Variants in STPG2 observed in about 807,000 individuals in gnomAD.
The protein encoded by STPG2 is sperm tail PG-rich repeat containing 2.
Under a neutral mutation model 54.2 loss-of-function variants are expected in STPG2, and 56 were observed. That is an observed-to-expected ratio of 1.03 (90% CI 0.83 to 1.29). STPG2 has a LOEUF of 1.29. STPG2 is among the 50% of genes most tolerant of loss of function. The pLI, the probability that STPG2 is intolerant of heterozygous loss-of-function variation, is 0.00. For missense variants in STPG2, 596 were observed against 544.9 expected, an observed-to-expected ratio of 1.09 and a Z score of -0.93; for synonymous variants, 200 against 181.8, an observed-to-expected ratio of 1.10 and a Z score of -0.81.
At chr4:97,973,752 C>T (rs1056250051) in intron 6 of STPG2, among the ~76,000 whole-genome samples, 3 of 89,896 alleles carry the variant, frequency 3.3e-5, no homozygotes, top group South Asian at 5.0e-4. Context: ...GAGCTCAGGC[C>T]GTGGTTTCAG....
intron 8 of STPG2, among the ~76,000 whole-genome samples, chr4:97,853,356 T>C (rs999301145): frequency 2.0e-5 from 3 of 152,212 alleles, no homozygotes; most frequent in Non-Finnish European, 4.4e-5. Context: ...CAAAAAATTG[T>C]GATAGTTCAT....
chr4:97,938,426 G>T (rs1408847099), intron 8 of STPG2, among the ~76,000 whole-genome samples: 1 of 40,970 alleles, frequency 2.4e-5, no homozygotes, highest in Non-Finnish European at 5.9e-5. Context: ...GAGCTCAGTT[G>T]TCTTAGGCAG....
chr4:97,861,322 T>C (rs1258847962), intron 8 of STPG2, among the ~76,000 whole-genome samples: 1 of 152,180 alleles, frequency 6.6e-6, no homozygotes, highest in Non-Finnish European at 1.5e-5. Flanking sequence ...AAATGGCTTT[T>C]ATCCTAAAGA....
chr4:98,074,102 C>T (rs1339675090), intron 5 of STPG2, among the ~76,000 whole-genome samples: 1 of 152,110 alleles, frequency 6.6e-6, no homozygotes, highest in Admixed American at 6.5e-5. Flanking sequence ...AATAACTTTC[C>T]TACTGAAATT....
chr4:98,057,524 A>AG (rs1737518946), intron 5 of STPG2, among the ~76,000 whole-genome samples: 1 of 152,316 alleles, frequency 6.6e-6, no homozygotes, highest in East Asian at 1.9e-4. Context: ...AAGAATGAAA[A>AG]GGAATGAACA....
intron 9 of STPG2, among the ~76,000 whole-genome samples, chr4:97,737,596 G>C (rs1453649861): frequency 6.6e-6 from 1 of 152,178 alleles, no homozygotes; most frequent in Admixed American, 6.5e-5. Context: ...TGATCAACTG[G>C]AAGAAAGGGT....
intron 8 of STPG2, among the ~76,000 whole-genome samples, chr4:97,903,938 CAG>C (rs944880972): frequency 6.6e-6 from 1 of 152,216 alleles, no homozygotes; most frequent in African/African-American, 2.4e-5. Flanking sequence ...GCACCTGGCT[CAG>C]AGAGTCCTAC....
chr4:97,786,402 C>T (rs148968596), intron 9 of STPG2, among the ~76,000 whole-genome samples: 1,837 of 151,886 alleles, frequency 0.012, 56 homozygotes, highest in East Asian at 0.032. Context: ...TCTAAAGAGT[C>T]GACATTTTTG....
intron 7 of STPG2, among the ~76,000 whole-genome samples, chr4:97,948,975 G>A (rs1023688943): frequency 6.6e-6 from 1 of 152,160 alleles, no homozygotes; most frequent in Admixed American, 6.5e-5. Flanking sequence ...TTGAATTTCT[G>A]TCTCAGTCAT....
intron 7 of STPG2, among the ~76,000 whole-genome samples, chr4:97,947,576 T>A (rs553153474): frequency 6.6e-5 from 10 of 152,208 alleles, no homozygotes; most frequent in South Asian, 2.1e-4. Flanking sequence ...TTGAACTAAG[T>A]CCCTTTTATA....
intron 8 of STPG2, among the ~76,000 whole-genome samples, chr4:97,895,514 A>C (rs1230413467): frequency 6.6e-6 from 1 of 151,880 alleles, no homozygotes; most frequent in Non-Finnish European, 1.5e-5. Context: ...ACATGTACTT[A>C]TCTCATAGCA....
At chr4:98,018,933 A>C (rs1736070935) in intron 5 of STPG2, among the ~76,000 whole-genome samples, 1 of 151,476 alleles carries the variant, frequency 6.6e-6, no homozygotes, top group Non-Finnish European at 1.5e-5. Context: ...TTGTCAGATG[A>C]GTAGGTTGCG....
At chr4:97,698,472 C>G (rs1723657200) in intron 10 of STPG2, among the ~76,000 whole-genome samples, 1 of 152,178 alleles carries the variant, frequency 6.6e-6, no homozygotes, top group African/African-American at 2.4e-5. Flanking sequence ...GCAATCTTAA[C>G]TTCCAATTTA....
chr4:97,924,013 A>G (rs920777003), intron 8 of STPG2, among the ~76,000 whole-genome samples: 1 of 152,124 alleles, frequency 6.6e-6, no homozygotes, highest in Non-Finnish European at 1.5e-5. Context: ...CCCTTCCACA[A>G]TGTGGAAGCT....
chr4:97,576,403 G>C (rs1312592850), intron 10 of STPG2, among the ~76,000 whole-genome samples: 1 of 151,798 alleles, frequency 6.6e-6, no homozygotes, highest in Non-Finnish European at 1.5e-5. Flanking sequence ...GCATGCAACT[G>C]GCACCAAAAC....
chr4:97,998,727 A>G (rs1735319043), intron 5 of STPG2, among the ~76,000 whole-genome samples: 1 of 152,156 alleles, frequency 6.6e-6, no homozygotes, highest in African/African-American at 2.4e-5. Flanking sequence ...GATTATTTGT[A>G]CCTGGTGTCA....
chr4:98,075,398 T>C (rs953286905), intron 5 of STPG2, among the ~76,000 whole-genome samples: 5 of 152,224 alleles, frequency 3.3e-5, no homozygotes. Flanking sequence ...TTCCTAACCC[T>C]GTGAAACTGC....
At chr4:97,960,068 A>G (rs749270091) in intron 7 of STPG2, among the ~76,000 whole-genome samples, 2 of 152,206 alleles carry the variant, frequency 1.3e-5, no homozygotes, top group South Asian at 4.1e-4. Flanking sequence ...ATTGTGATAC[A>G]TCACATAAAC....
chr4:97,725,901 G>A, intron 9 of STPG2, among the ~76,000 whole-genome samples: 1 of 151,724 alleles, frequency 6.6e-6, no homozygotes, highest in East Asian at 1.9e-4. Flanking sequence ...TCCAAAAAAA[G>A]GAAGGTCTTA....
Sources: gnomAD v4.1 joint callset for allele counts (sites outside exome capture counted in the v4.1 genomes callset) on GRCh38, gnomAD v4.1.1 for gene constraint, MANE v1.5 for transcripts, NCBI Gene and HGNC (gene_info 2026-07-23, HGNC 2026-07-21) for gene names.